The following LAMA2 variants were observed in gnomAD, a reference collection of about 807,000 sequenced individuals.
LAMA2 encodes laminin subunit alpha 2, also known as laminin subunit alpha-2.
LAMA2 carries 269 observed loss-of-function variants against 364.8 expected under a neutral mutation model. That is an observed-to-expected ratio of 0.74 (90% confidence interval 0.67 to 0.82). The LOEUF (loss-of-function observed/expected upper bound fraction) is 0.82. Ranked by LOEUF, LAMA2 falls within the 40% of genes least tolerant of loss-of-function variation. LAMA2 has a pLI of 0.00. For synonymous variants in LAMA2, 1,379 were observed against 1,370.6 expected, an observed-to-expected ratio of 1.01 and a Z score of -0.14; for missense variants, 3,807 against 3,873.2, an observed-to-expected ratio of 0.98 and a Z score of 0.45.
At chr6:129,246,575 A>G (rs1785767820) in intron 12 of LAMA2, among the ~76,000 whole-genome samples, 1 of 152,204 alleles carries the variant, frequency 6.6e-6, no homozygotes, top group South Asian at 2.1e-4. Flanking sequence ...GACGTTAGGG[A>G]TCCCAGAGCC....
chr6:129,010,820 G>T (rs1197936404), intron 1 of LAMA2, among the ~76,000 whole-genome samples: 1 of 152,200 alleles, frequency 6.6e-6, no homozygotes, highest in Admixed American at 6.5e-5. Flanking sequence ...TGTAGAGAAG[G>T]TGAATGGTAT....
At chr6:129,241,828 G>A (rs1009126410) in intron 12 of LAMA2, among the ~76,000 whole-genome samples, 1 of 151,958 alleles carries the variant, frequency 6.6e-6, no homozygotes, top group Non-Finnish European at 1.5e-5. Flanking sequence ...TGCACCTTTG[G>A]GATTCTTATC....
At chr6:129,293,099 C>G (rs2114437155) in intron 20 of LAMA2, 2 of 985,576 alleles carry the variant, frequency 2.0e-6, no homozygotes, top group South Asian at 4.7e-5. Flanking sequence ...GCTCATGCCT[C>G]TGCATGTTGT....
Position 129,064,056 on chromosome 6 carries a change from C to A in LAMA2, c.396+4160C>A, listed in dbSNP as rs191299193. On this transcript the variant is annotated intron_variant, in intron 3 of 64. Transcript: ENST00000421865. ...AAGGAAGGTCATTATTCTTTCATGT[C>A]AATTCTTTCCTCATGCTCTTCTTAC... 1.0e-3 allele frequency among the ~76,000 whole-genome samples: 158 copies of A among 152,132 alleles called. 3 individuals carry two copies. The East Asian group carries it at 0.025, about 25-fold the overall frequency.
chr6:128,980,879 A>G (rs1782822441), intron 1 of LAMA2, among the ~76,000 whole-genome samples: 1 of 152,186 alleles, frequency 6.6e-6, no homozygotes, highest in Non-Finnish European at 1.5e-5. Context: ...ATGAAAATAA[A>G]CCTGAAACGC....
chr6:129,505,656 C>T (rs1018400057), intron 61 of LAMA2, among the ~76,000 whole-genome samples: 6 of 152,020 alleles, frequency 3.9e-5, no homozygotes, highest in Admixed American at 3.9e-4. Context: ...CTACAGGTGC[C>T]TACCACCACG....
intron 62 of LAMA2, among the ~76,000 whole-genome samples, chr6:129,509,909 T>G (rs2114920895): frequency 6.6e-6 from 1 of 152,320 alleles, no homozygotes; most frequent in Admixed American, 6.5e-5. Context: ...AGGGATTATA[T>G]TAAATCTGCA....
At chr6:128,997,380 G>GAC (rs1223347561) in intron 1 of LAMA2, among the ~76,000 whole-genome samples, 3 of 133,218 alleles carry the variant, frequency 2.3e-5, no homozygotes, top group Non-Finnish European at 3.2e-5. Flanking sequence ...GAGAGAGAGA[G>GAC]AAAGGAAGAG....
chr6:129,480,287 C>G (rs889364171), intron 54 of LAMA2, among the ~76,000 whole-genome samples: 2 of 152,104 alleles, frequency 1.3e-5, no homozygotes, highest in Non-Finnish European at 2.9e-5. Flanking sequence ...GGATTCTTTG[C>G]TTTTACTCCT....
chr6:129,360,832 A>G (rs1777417349), intron 32 of LAMA2, among the ~76,000 whole-genome samples: 1 of 152,164 alleles, frequency 6.6e-6, no homozygotes, highest in African/African-American at 2.4e-5. Context: ...ATTCTAGTAC[A>G]CCGTAGCATA....
intron 4 of LAMA2, among the ~76,000 whole-genome samples, chr6:129,111,594 T>G (rs1284713131): frequency 6.6e-6 from 1 of 152,002 alleles, no homozygotes; most frequent in Non-Finnish European, 1.5e-5. Flanking sequence ...AACTAATATG[T>G]GCCAAAGCAT....
At chr6:129,227,624 C>T (rs1024303788) in intron 12 of LAMA2, among the ~76,000 whole-genome samples, 25 of 152,148 alleles carry the variant, frequency 1.6e-4, no homozygotes, top group African/African-American at 4.6e-4. Context: ...GTATCAGCAG[C>T]GGAGGCTGCA....
intron 14 of LAMA2, among the ~76,000 whole-genome samples, chr6:129,253,902 T>G (rs1271695930): frequency 6.6e-6 from 1 of 152,224 alleles, no homozygotes; most frequent in Non-Finnish European, 1.5e-5. Context: ...AGTAGGTGGC[T>G]ACTTTCTGTC....
intron 3 of LAMA2, among the ~76,000 whole-genome samples, chr6:129,092,042 A>G (rs983344845): frequency 6.6e-6 from 1 of 152,108 alleles, no homozygotes; most frequent in Non-Finnish European, 1.5e-5. Flanking sequence ...CAGACTTAAT[A>G]CATTCTCCAT....
At chr6:129,344,174 GT>G (rs1167560488) in intron 30 of LAMA2, among the ~76,000 whole-genome samples, 1 of 152,158 alleles carries the variant, frequency 6.6e-6, no homozygotes, top group African/African-American at 2.4e-5. Flanking sequence ...ATAGAATTGA[GT>G]ATAATGAATT....
At chr6:129,064,797 C>T (rs1307048495) in intron 3 of LAMA2, among the ~76,000 whole-genome samples, 1 of 151,992 alleles carries the variant, frequency 6.6e-6, no homozygotes, top group East Asian at 1.9e-4. Flanking sequence ...AAGAAAAGCC[C>T]AGAACCTGAT....
chr6:129,289,348 A>G (rs1789517167), intron 19 of LAMA2, among the ~76,000 whole-genome samples: 1 of 152,134 alleles, frequency 6.6e-6, no homozygotes, highest in Non-Finnish European at 1.5e-5. Context: ...CCTCCTTGAG[A>G]CACAGTTTTC....
chr6:128,957,836 A>ATTTTTTTTTTTTTTTTTTTTT (rs10652900), intron 1 of LAMA2, among the ~76,000 whole-genome samples: 1 of 51,264 alleles, frequency 2.0e-5, no homozygotes, highest in African/African-American at 7.9e-5. Context: ...TACTTCATGC[A>ATTTTTTTTTTTTTTTTTTTTT]TTTTTTTTTT....
chr6:129,032,706 A>G (rs747665402), intron 1 of LAMA2, among the ~76,000 whole-genome samples: 16 of 152,190 alleles, frequency 1.1e-4, no homozygotes, highest in Non-Finnish European at 2.1e-4. Flanking sequence ...TCAGGAGGCT[A>G]TTGCAGATGT....
Sources: gnomAD v4.1 joint callset for allele counts (sites outside exome capture counted in the v4.1 genomes callset) on GRCh38, gnomAD v4.1.1 for gene constraint, MANE v1.5 for transcripts, NCBI Gene and HGNC (gene_info 2026-07-23, HGNC 2026-07-21) for gene names.